Variants in SYNE2 observed in about 807,000 individuals in gnomAD.
The protein encoded by SYNE2 is nesprin-2.
Under a neutral mutation model 856.3 loss-of-function variants are expected in SYNE2, and 431 were observed. That is an observed-to-expected ratio of 0.50 (90% CI 0.47 to 0.55). SYNE2 has a LOEUF of 0.55. Ranked by LOEUF, SYNE2 falls within the 20% of genes least tolerant of loss-of-function variation. SYNE2 has a pLI of 0.00. For missense variants in SYNE2, 8,129 were observed against 8,023.2 expected (o/e 1.01, Z -0.50); for synonymous variants, 2,923 against 2,872.3 (o/e 1.02, Z -0.56).
intron 17 of SYNE2, 23 bp from the exon 18 acceptor site, chr14:63,983,714 T>C: frequency 6.3e-7 from 1 of 1,595,650 alleles, no homozygotes; most frequent in Non-Finnish European, 8.6e-7. Context: ...GAGTATTACA[T>C]TTCATGAAAT....
At chr14:64,076,677 T>C (rs528139330) in intron 54 of SYNE2, among the ~76,000 whole-genome samples, 6 of 151,456 alleles carry the variant, frequency 4.0e-5, no homozygotes, top group African/African-American at 7.2e-5. Flanking sequence ...TTTGATTAGA[T>C]TGTAGAAAGA....
At chr14:63,837,911 T>C (rs2139917040) in intron 1 of SYNE2, among the ~76,000 whole-genome samples, 1 of 119,100 alleles carries the variant, frequency 8.4e-6, no homozygotes, top group East Asian at 2.2e-4. Context: ...AAAGTGAGAC[T>C]CTGTTTCAAA....
intron 64 of SYNE2, among the ~76,000 whole-genome samples, chr14:64,105,240 A>G (rs2097763461): frequency 6.6e-6 from 1 of 152,188 alleles, no homozygotes; most frequent in Non-Finnish European, 1.5e-5. Context: ...TTTTCCTAAA[A>G]CCAATCATGC....
intron 1 of SYNE2, among the ~76,000 whole-genome samples, chr14:63,902,075 C>G (rs765967642): frequency 1.3e-5 from 2 of 152,104 alleles, no homozygotes; most frequent in Non-Finnish European, 2.9e-5. Context: ...CTTCACCCAA[C>G]CTTTGGTTAT....
chr14:63,916,433 C>T (rs953931949), intron 2 of SYNE2, among the ~76,000 whole-genome samples: 4 of 152,140 alleles, frequency 2.6e-5, no homozygotes, highest in Admixed American at 6.5e-5. Context: ...AATAATCTTT[C>T]GGAGTTCCTC....
chr14:63,983,704 G>A (rs1038531725), intron 17 of SYNE2, 33 bp from the exon 18 acceptor site: 4 of 1,551,132 alleles, frequency 2.6e-6, no homozygotes, highest in Non-Finnish European at 3.6e-6. Flanking sequence ...ATAAAAATAT[G>A]AGTATTACAT....
chr14:64,191,151 T>A (rs1023040721), intron 99 of SYNE2: 4 of 406,824 alleles, frequency 9.8e-6, no homozygotes, highest in Admixed American at 4.2e-5. Context: ...TATTTAAATT[T>A]ATTATTTAAA....
intron 85 of SYNE2, among the ~76,000 whole-genome samples, chr14:64,156,439 CTTT>C (rs34045505): frequency 0.046 from 6,928 of 151,044 alleles, 201 homozygotes; most frequent in African/African-American, 0.068. Context: ...TGCCTTTCTT[CTTT>C]ATTTTCTTTT....
At position 64,041,774 on chromosome 14, in the gene SYNE2, C is replaced by T. The variant is rs191175860; in HGVS notation, c.7222-6226C>T. Among the ~76,000 whole-genome samples the T allele has an allele frequency of 1.0e-3, 152 of 151,734 alleles. 1 individual carries two copies. The highest frequency in any genetic ancestry group is 3.5e-3 in the African/African-American group (144 of 41,320). Reference sequence around the variant, plus strand: ...CTGAAACAGGAGAATCAGTTGAACCCAGGAGATTGAGGCTGCAGTGAACCA... The same window carrying T: ...CTGAAACAGGAGAATCAGTTGAACCTAGGAGATTGAGGCTGCAGTGAACCA... On this transcript the variant is annotated intron_variant, in intron 45 of 115. Transcript: ENST00000555002.
At chr14:63,941,829 C>G in intron 4 of SYNE2, 39 bp downstream of exon 4, 1 of 1,611,670 alleles carries the variant, frequency 6.2e-7, no homozygotes, top group East Asian at 2.2e-5. Flanking sequence ...TTTCTGTTGA[C>G]TTAAAAAATA....
intron 64 of SYNE2, 76 bp from the exon 65 acceptor site, chr14:64,107,415 G>C (rs2153650130): frequency 1.5e-6 from 2 of 1,294,466 alleles, no homozygotes; most frequent in East Asian, 4.6e-5. Flanking sequence ...TTTGTAAAAT[G>C]AGCATGCGCA....
intron 1 of SYNE2, among the ~76,000 whole-genome samples, chr14:63,807,257 G>T (rs576696441): frequency 2.0e-5 from 3 of 151,546 alleles, no homozygotes; most frequent in African/African-American, 7.3e-5. Context: ...CAGGTAGATA[G>T]ATTGAGCACA....
chr14:64,134,304 A>G (rs1408460226), intron 78 of SYNE2, 104 bp downstream of exon 78: 1 of 1,216,782 alleles, frequency 8.2e-7, no homozygotes, highest in Non-Finnish European at 1.2e-6. Context: ...AATTGAAACA[A>G]AATGTTCATC....
chr14:64,129,269 T>C (rs1280783674), intron 74 of SYNE2, among the ~76,000 whole-genome samples: 2 of 152,208 alleles, frequency 1.3e-5, no homozygotes, highest in Non-Finnish European at 2.9e-5. Flanking sequence ...ATTGTGCCAC[T>C]GCACTCCAGC....
intron 2 of SYNE2, among the ~76,000 whole-genome samples, chr14:63,938,052 A>G (rs2095854408): frequency 6.6e-6 from 1 of 152,170 alleles, no homozygotes. Flanking sequence ...GAGTATGACC[A>G]CGACAGCAAG....
At chr14:63,776,579 A>G (rs1361813152) in intron 1 of SYNE2, among the ~76,000 whole-genome samples, 1 of 151,294 alleles carries the variant, frequency 6.6e-6, no homozygotes, top group Admixed American at 6.6e-5. Context: ...CAAGACTGGG[A>G]ATTTCTTTTT....
At chr14:64,100,805 A>G (rs992588632) in intron 63 of SYNE2, among the ~76,000 whole-genome samples, 4 of 151,102 alleles carry the variant, frequency 2.6e-5, no homozygotes, top group African/African-American at 9.7e-5. Context: ...CCTTTGACAG[A>G]CATTTTTGTA....
chr14:63,898,757 C>G (rs1468654795), intron 1 of SYNE2, among the ~76,000 whole-genome samples: 2 of 152,030 alleles, frequency 1.3e-5, no homozygotes, highest in African/African-American at 4.8e-5. Flanking sequence ...TTTTTTTGAG[C>G]TTTGTGTGTG....
In SYNE2 at chr14:64,114,338, C is replaced by T. The variant is rs116134764; in HGVS notation, c.12840+767C>T. ...GGGCACGCGAGCTGCTTGCAAAGGC[C>T]TCTCTCCCAGCTGCACTTAGGAGAC... On this transcript the variant is annotated intron_variant, in intron 66 of 115. Transcript: ENST00000555002. 5.4e-3 allele frequency among the ~76,000 whole-genome samples: 819 copies of T among 152,262 alleles called. 9 individuals carry two copies. The highest frequency in any genetic ancestry group is 0.019 in the African/African-American group (790 of 41,528).
Sources: gnomAD v4.1 joint callset for allele counts (sites outside exome capture counted in the v4.1 genomes callset) on GRCh38, gnomAD v4.1.1 for gene constraint, MANE v1.5 for transcripts, NCBI Gene and HGNC (gene_info 2026-07-23, HGNC 2026-07-21) for gene names.